PCDH11Y: variants seen among roughly 807,000 people sequenced by gnomAD.
The protein encoded by PCDH11Y is protocadherin-11 Y-linked.
For synonymous variants in PCDH11Y, 9 were observed against 83.6 expected (o/e 0.11, Z 4.87); for missense variants, 12 against 224.8 (o/e 0.05, Z 6.05).
chrY:5,551,950 C>T, intron 3 of PCDH11Y, among the ~76,000 whole-genome samples: 10 of 32,233 alleles, frequency 3.1e-4, no homozygotes, highest in Non-Finnish European at 6.9e-4. Flanking sequence ...TTTTATGGGT[C>T]TTCATTTCCT....
chrY:5,652,537 A>G, intron 4 of PCDH11Y, among the ~76,000 whole-genome samples: 1 of 33,058 alleles, frequency 3.0e-5, no homozygotes, highest in Non-Finnish European at 7.4e-5. Context: ...CTAGAAAAAA[A>G]AAAATGTCCT....
intron 2 of PCDH11Y, among the ~76,000 whole-genome samples, chrY:5,487,649 C>T: frequency 3.0e-5 from 1 of 33,063 alleles, no homozygotes. Flanking sequence ...CTTCTTTATG[C>T]CCTTCTTTCC....
intron 2 of PCDH11Y, among the ~76,000 whole-genome samples, chrY:5,381,551 T>C: frequency 6.0e-5 from 2 of 33,442 alleles, no homozygotes. Flanking sequence ...AAAATCACTG[T>C]GAATGCAGAC....
intron 3 of PCDH11Y, among the ~76,000 whole-genome samples, chrY:5,571,960 A>C: frequency 3.1e-5 from 1 of 32,001 alleles, no homozygotes; most frequent in Non-Finnish European, 7.7e-5. Flanking sequence ...CATGCTATCT[A>C]ACTCTATGTT....
intron 1 of PCDH11Y, among the ~76,000 whole-genome samples, chrY:5,065,426 T>C (rs2052684670): frequency 3.0e-5 from 1 of 32,993 alleles, no homozygotes; most frequent in Non-Finnish European, 7.4e-5. Context: ...AAGCTAATGA[T>C]ATAAGTAAAA....
At chrY:5,030,301 C>T (rs2052587586) in intron 1 of PCDH11Y, among the ~76,000 whole-genome samples, 1 of 33,310 alleles carries the variant, frequency 3.0e-5, no homozygotes, top group South Asian at 6.5e-4. Context: ...GATTAATGCT[C>T]ATCCTTTATT....
intron 3 of PCDH11Y, among the ~76,000 whole-genome samples, chrY:5,049,427 G>C: frequency 3.1e-5 from 1 of 31,997 alleles, no homozygotes. Context: ...AGTGTCATTG[G>C]TAGTTTCATA....
rs2053303768 is a variant in PCDH11Y, at chrY:5,461,751, T to G, written c.3130-39306T>G. On this transcript the variant is annotated intron_variant, in intron 2 of 4. Coordinates refer to the PCDH11Y transcript ENST00000400457. The stretch of plus-strand genomic sequence containing the variant: ...ATAGTTCATCACAACCTATTTCCAT[T>G]CTTGCAGATGAGGGTCTTGGATTCC... Among the ~76,000 whole-genome samples, 49 of 33,430 alleles carry G rather than the reference T, an allele frequency of 1.5e-3. No individual in the cohort carries two copies. In the South Asian group the frequency reaches 0.027, roughly 18 times the overall value. The allele number at this position is 33,430 out of a possible 37,273, so 89.7% of individuals were successfully genotyped here.
At chrY:5,619,658 G>T in intron 4 of PCDH11Y, among the ~76,000 whole-genome samples, 4 of 32,426 alleles carry the variant, frequency 1.2e-4, no homozygotes, top group Non-Finnish European at 2.3e-4. Flanking sequence ...AGGAAATCCT[G>T]TAAGTGTGAG....
At chrY:5,375,897 C>T in intron 2 of PCDH11Y, among the ~76,000 whole-genome samples, 1 of 32,396 alleles carries the variant, frequency 3.1e-5, no homozygotes, top group Admixed American at 2.9e-4. Context: ...TTGTGGTTCC[C>T]CTGTGATGTT....
intron 2 of PCDH11Y, among the ~76,000 whole-genome samples, chrY:5,374,333 A>G: frequency 3.2e-5 from 1 of 30,989 alleles, no homozygotes; most frequent in Non-Finnish European, 7.7e-5. Context: ...TATACTTTTC[A>G]TAAAATTCAG....
intron 2 of PCDH11Y, among the ~76,000 whole-genome samples, chrY:5,124,583 T>C: frequency 3.0e-5 from 1 of 33,231 alleles, no homozygotes; most frequent in Non-Finnish European, 7.5e-5. Context: ...GGTAATTTCA[T>C]CTGTCCACTG....
chrY:5,144,903 A>C, intron 2 of PCDH11Y, among the ~76,000 whole-genome samples: 1 of 26,853 alleles, frequency 3.7e-5, no homozygotes, highest in Non-Finnish European at 8.4e-5. Flanking sequence ...AAGTATCAAC[A>C]ATTATAGTAT....
At chrY:5,192,250 G>C in intron 2 of PCDH11Y, among the ~76,000 whole-genome samples, 1 of 30,383 alleles carries the variant, frequency 3.3e-5, no homozygotes, top group Admixed American at 3.0e-4. Context: ...AAAAAGGTTG[G>C]GGACCACTGT....
chrY:5,120,628 G>A, intron 2 of PCDH11Y, among the ~76,000 whole-genome samples: 4 of 32,902 alleles, frequency 1.2e-4, no homozygotes, highest in Non-Finnish European at 2.2e-4. Context: ...CTGATATAAA[G>A]TTTTGTCTTC....
At chrY:5,243,413 A>G in intron 2 of PCDH11Y, among the ~76,000 whole-genome samples, 1 of 29,902 alleles carries the variant, frequency 3.3e-5, no homozygotes, top group Admixed American at 2.8e-4. Flanking sequence ...CATGTATCAG[A>G]AAAAACTTTA....
chrY:5,737,237 T>A, intron 4 of PCDH11Y, 35 bp from the exon 6 acceptor site: 1 of 374,760 alleles, frequency 2.7e-6, no homozygotes, highest in Non-Finnish European at 3.7e-6. Flanking sequence ...GAAATATAAA[T>A]TTTATTATTT....
intron 4 of PCDH11Y, among the ~76,000 whole-genome samples, chrY:5,722,321 T>G (rs1602964217): frequency 9.3e-5 from 3 of 32,089 alleles, no homozygotes; most frequent in South Asian, 1.4e-3. Flanking sequence ...TCAGATCTTA[T>G]TTTTTATTCT....
chrY:5,703,398 A>C (rs2124712250), intron 4 of PCDH11Y, among the ~76,000 whole-genome samples: 14 of 33,494 alleles, frequency 4.2e-4, no homozygotes, highest in African/African-American at 1.6e-3. Flanking sequence ...ATCTTTTGAA[A>C]TATTTAATAA....
Sources: allele counts gnomAD v4.1 joint callset (sites outside exome capture counted in the v4.1 genomes callset), GRCh38; gene constraint gnomAD v4.1.1; transcripts MANE v1.5; gene names NCBI Gene and HGNC (gene_info 2026-07-23, HGNC 2026-07-21).